The following TNFSF4 variants were observed in gnomAD, a reference collection of about 807,000 sequenced individuals.
TNFSF4 encodes TNF superfamily member 4, also known as tumor necrosis factor ligand superfamily member 4.
Under a neutral mutation model 7.3 loss-of-function variants are expected in TNFSF4, and 4 were observed. That is an observed-to-expected ratio of 0.55 (90% CI 0.27 to 1.25). TNFSF4 has a LOEUF of 1.25. Among genes scored for constraint, TNFSF4 ranks in the 50% most tolerant of loss-of-function variants. The probability of loss-of-function intolerance (pLI) is 0.12; values close to 1 mark genes in which losing one functional copy is unlikely to be tolerated. For missense variants in TNFSF4, 181 were observed against 208.8 expected (o/e 0.87, Z 0.82); for synonymous variants, 76 against 83.7 (o/e 0.91, Z 0.50).
At chr1:173,264,866 G>A in the TNFSF4 span, among the ~76,000 whole-genome samples, 2 of 152,256 alleles carry the variant, frequency 1.3e-5, no homozygotes, top group African/African-American at 4.8e-5. Context: ...ACTACATTCA[G>A]TGACATTAGT....
At chr1:173,430,394 T>C in the TNFSF4 span, among the ~76,000 whole-genome samples, 1 of 152,242 alleles carries the variant, frequency 6.6e-6, no homozygotes, top group South Asian at 2.1e-4. Context: ...TTTCTCTGTA[T>C]CGATATTACG....
At chr1:173,249,869 T>C in the TNFSF4 span, among the ~76,000 whole-genome samples, 112 of 152,296 alleles carry the variant, frequency 7.4e-4, no homozygotes, top group Non-Finnish European at 1.9e-4. Flanking sequence ...TGACACACAG[T>C]CAACACTTAA....
the TNFSF4 span, among the ~76,000 whole-genome samples, chr1:173,287,121 C>T: frequency 2.6e-5 from 4 of 152,162 alleles, no homozygotes; most frequent in African/African-American, 9.6e-5. Context: ...AGTTCAAGAC[C>T]AGGCTGGGCA....
the TNFSF4 span, among the ~76,000 whole-genome samples, chr1:173,259,081 C>G: frequency 6.6e-6 from 1 of 152,110 alleles, no homozygotes; most frequent in Non-Finnish European, 1.5e-5. Context: ...ACACCTTATA[C>G]AGGAGCATTC....
chr1:173,326,932 G>A, the TNFSF4 span, among the ~76,000 whole-genome samples: 3 of 152,236 alleles, frequency 2.0e-5, no homozygotes, highest in East Asian at 5.8e-4. Flanking sequence ...CGTGAAAATG[G>A]CCATACTGCC....
At chr1:173,215,739 C>T in the TNFSF4 span, among the ~76,000 whole-genome samples, 15 of 152,296 alleles carry the variant, frequency 9.8e-5, no homozygotes, top group Admixed American at 7.2e-4. Flanking sequence ...TTATCCCAAT[C>T]ATAGCATGAG....
At chr1:173,219,229 A>T in the TNFSF4 span, among the ~76,000 whole-genome samples, 1 of 152,168 alleles carries the variant, frequency 6.6e-6, no homozygotes, top group Non-Finnish European at 1.5e-5. Flanking sequence ...GGAGTTTTTG[A>T]ACACTTTTCC....
At chr1:173,409,112 T>G in the TNFSF4 span, among the ~76,000 whole-genome samples, 2 of 151,966 alleles carry the variant, frequency 1.3e-5, no homozygotes, top group African/African-American at 4.8e-5. Context: ...CTACCAAAAA[T>G]GAAAAGCATT....
chr1:173,381,648 A>G, the TNFSF4 span, among the ~76,000 whole-genome samples: 1 of 152,190 alleles, frequency 6.6e-6, no homozygotes, highest in African/African-American at 2.4e-5. Context: ...TCTGGAGGAC[A>G]CTACAACTGC....
the TNFSF4 span, among the ~76,000 whole-genome samples, chr1:173,240,364 C>T: frequency 6.6e-6 from 1 of 152,254 alleles, no homozygotes; most frequent in South Asian, 2.1e-4. Flanking sequence ...ATACACCTTT[C>T]AAACATCTAC....
the TNFSF4 span, among the ~76,000 whole-genome samples, chr1:173,309,403 T>G: frequency 6.6e-6 from 1 of 150,416 alleles, no homozygotes; most frequent in East Asian, 1.9e-4. Flanking sequence ...GTTTACTGAG[T>G]TTTTTTTTAA....
the TNFSF4 span, among the ~76,000 whole-genome samples, chr1:173,434,376 G>A: frequency 5.9e-5 from 9 of 152,044 alleles, no homozygotes; most frequent in South Asian, 2.1e-4. Context: ...CTTTTTACAC[G>A]AAAGATCACT....
the TNFSF4 span, among the ~76,000 whole-genome samples, chr1:173,401,971 G>C: frequency 6.6e-6 from 1 of 152,168 alleles, no homozygotes; most frequent in Non-Finnish European, 1.5e-5. Flanking sequence ...GTTTGTGCCA[G>C]CTAGAGCTCT....
the TNFSF4 span, among the ~76,000 whole-genome samples, chr1:173,303,990 TA>T: frequency 1.3e-5 from 2 of 151,948 alleles, no homozygotes; most frequent in Non-Finnish European, 2.9e-5. Context: ...TATATTGCTT[TA>T]AAAATATCTT....
chr1:173,186,311 A>G lies in TNFSF4; in HGVS notation c.*205T>C. 1 of 501,158 alleles carries G rather than the reference A, an allele frequency of 2.0e-6. No individual in the cohort carries two copies. Among genetic ancestry groups the G allele is most frequent in the South Asian group, 4.0e-5 (1 of 25,286 alleles). The allele number at this position is 501,158 out of a possible 1,614,324, so 31.0% of individuals were successfully genotyped here. On this transcript the variant is annotated 3_prime_UTR_variant, in exon 3 of 3. Transcript: ENST00000281834. ...GACGGCTAGGCAATTTAGAAAATAT[A>G]AGGATAAATAAGATTAACTGGTATA...
chr1:173,386,713 G>A, the TNFSF4 span, among the ~76,000 whole-genome samples: 1 of 152,192 alleles, frequency 6.6e-6, no homozygotes, highest in African/African-American at 2.4e-5. Flanking sequence ...CTCCAACTCC[G>A]AGAGAAGCTG....
the TNFSF4 span, among the ~76,000 whole-genome samples, chr1:173,323,909 G>T: frequency 6.6e-6 from 1 of 152,172 alleles, no homozygotes; most frequent in Non-Finnish European, 1.5e-5. Context: ...AAGTGACAGG[G>T]AGAATGCAAC....
downstream of TNFSF4, among the ~76,000 whole-genome samples, chr1:173,181,458 C>T (rs1649054612): frequency 6.6e-6 from 1 of 152,180 alleles, no homozygotes. Flanking sequence ...TCCTAACATC[C>T]CTCTGTTCCC....
At chr1:173,322,748 C>A in the TNFSF4 span, among the ~76,000 whole-genome samples, 1 of 152,222 alleles carries the variant, frequency 6.6e-6, no homozygotes, top group Non-Finnish European at 1.5e-5. Context: ...AATCCTGCAC[C>A]TGGCTCGGAG....
Sources: gnomAD v4.1 joint callset for allele counts (sites outside exome capture counted in the v4.1 genomes callset) on GRCh38, gnomAD v4.1.1 for gene constraint, MANE v1.5 for transcripts, NCBI Gene and HGNC (gene_info 2026-07-23, HGNC 2026-07-21) for gene names.